TSKS: variants seen among roughly 807,000 people sequenced by gnomAD.
The protein encoded by TSKS is testis-specific serine kinase substrate.
A neutral mutation model predicts 68.0 loss-of-function variants in TSKS; 27 were observed. That is an observed-to-expected ratio of 0.40 (90% CI 0.29 to 0.55). TSKS has a LOEUF of 0.55. TSKS is among the 20% of genes least tolerant of loss of function. The pLI is 0.53. For synonymous variants in TSKS, 331 were observed against 340.4 expected (o/e 0.97, Z 0.30); for missense variants, 806 against 776.0 (o/e 1.04, Z -0.46).
At chr19:49,754,561 A>G (rs189326325) in intron 2 of TSKS, among the ~76,000 whole-genome samples, 1 of 152,212 alleles carries the variant, frequency 6.6e-6, no homozygotes, top group African/African-American at 2.4e-5. Context: ...CATGCAAAGA[A>G]AAAAAACTAT....
At chr19:49,750,951 T>G (rs896591799) in intron 2 of TSKS, among the ~76,000 whole-genome samples, 5 of 152,130 alleles carry the variant, frequency 3.3e-5, no homozygotes, top group African/African-American at 1.2e-4. Flanking sequence ...GCATGATTGC[T>G]CTGGGGAAGA....
In TSKS at chr19:49,739,998, G is replaced by T; in HGVS notation, c.1622+61C>A. 3 of 1,610,522 alleles carry T rather than the reference G, an allele frequency of 1.9e-6. No individual in the cohort carries two copies. In the South Asian group the frequency reaches 3.3e-5, roughly 18 times the overall value. On this transcript the variant is annotated intron_variant, in intron 10 of 10. Coordinates refer to ENST00000246801, the MANE Select transcript of TSKS (RefSeq NM_021733.2). ...GTGCTGGGGTGTTGGAGTGGAAGGG[G>T]AGATCAGGCCCTTTCCCCAAGATCT...
In TSKS at chr19:49,739,968, G is replaced by C. The variant is rs776476027; in HGVS notation, c.1623-36C>G. 1.9e-6 allele frequency: 3 copies of C among 1,607,986 alleles called. No homozygotes were observed. In the African/African-American group the frequency reaches 4.0e-5, roughly 21 times the overall value. The stretch of plus-strand genomic sequence containing the variant: ...GCAGCGGGGAGTTGATGGCGGCATG[G>C]CTAGGTGCTGGGGTGTTGGAGTGGA... On this transcript the variant is annotated intron_variant, in intron 10 of 10. Coordinates refer to ENST00000246801, the MANE Select transcript of TSKS (RefSeq NM_021733.2).
intron 8 of TSKS, among the ~76,000 whole-genome samples, chr19:49,743,072 A>T (rs1230078187): frequency 1.3e-5 from 2 of 151,786 alleles, no homozygotes; most frequent in Non-Finnish European, 2.9e-5. Context: ...ATGATGCTTA[A>T]AATGTACTAA....
At chr19:49,747,911 GTT>G (rs2084316051) in intron 4 of TSKS, among the ~76,000 whole-genome samples, 172 bp downstream of exon 4, 1 of 152,138 alleles carries the variant, frequency 6.6e-6, no homozygotes, top group Non-Finnish European at 1.5e-5. Flanking sequence ...GTTTCACCAT[GTT>G]GGCCAGGCTG....
intron 8 of TSKS, among the ~76,000 whole-genome samples, chr19:49,743,757 C>T (rs988921203): frequency 3.4e-4 from 51 of 151,854 alleles, no homozygotes; most frequent in African/African-American, 1.2e-3. Flanking sequence ...GCCTTGGCCT[C>T]CCAAAGTGCT....
chr19:49,758,147 G>A (rs767320698), intron 2 of TSKS, among the ~76,000 whole-genome samples: 9 of 146,090 alleles, frequency 6.2e-5, no homozygotes, highest in Non-Finnish European at 1.1e-4. Flanking sequence ...CCTCTCCCTG[G>A]TCTCCCTTCC....
chr19:49,753,250 AC>A (rs1262245157), intron 2 of TSKS, among the ~76,000 whole-genome samples: 1 of 152,024 alleles, frequency 6.6e-6, no homozygotes, highest in Non-Finnish European at 1.5e-5. Flanking sequence ...ACATAGTAAA[AC>A]CTAATCCCTT....
Position 49,753,344 on chromosome 19 carries a change from C to T in TSKS, c.400-4875G>A, listed in dbSNP as rs370531633. Among the ~76,000 whole-genome samples the T allele has an allele frequency of 6.6e-5, 10 of 152,036 alleles. 1 individual carries two copies. Among genetic ancestry groups the T allele is most frequent in the Admixed American group, 3.3e-4 (5 of 15,242 alleles). ...TTGGGAGGCCGAGGCGGGTGGATCA[C>T]GAGGTCAGGAGATCGAGACCATCCT... On this transcript the variant is annotated intron_variant, in intron 2 of 10. Transcript: ENST00000246801.
At chr19:49,745,488 C>T in intron 6 of TSKS, 92 bp from the exon 7 acceptor site, 2 of 1,116,862 alleles carry the variant, frequency 1.8e-6, no homozygotes, top group South Asian at 1.8e-5. Flanking sequence ...ACTCACCTAT[C>T]TCGCCCCACT....
intron 2 of TSKS, among the ~76,000 whole-genome samples, chr19:49,760,126 G>A (rs2084428511): frequency 6.6e-6 from 1 of 151,898 alleles, no homozygotes; most frequent in Non-Finnish European, 1.5e-5. Context: ...ACTCCAGCCT[G>A]GCTACAGAGT....
intron 8 of TSKS, 97 bp downstream of exon 8, chr19:49,744,134 G>T: frequency 7.5e-7 from 1 of 1,338,238 alleles, no homozygotes; most frequent in Non-Finnish European, 1.0e-6. Flanking sequence ...CTCCCAAAAT[G>T]AACAGCGCCC....
Position 49,739,807 on chromosome 19 carries a change from G to T in TSKS, c.1748C>A (p.Pro583Gln). The T allele has an allele frequency of 1.3e-6, 2 of 1,557,878 alleles. No individual in the cohort carries two copies. The highest frequency in any genetic ancestry group is 1.8e-6 in the Non-Finnish European group (2 of 1,130,400). ...MGGGSSAGTPPKQGGSAPEQ is the reference protein window; with the variant it reads ...MGGGSSAGTPQKQGGSAPEQ ...TTCAGGGGCTGAGCCCCCCTGTTTT[G>T]GGGGGGTTCCTGCACTGCTGCCTCC... Residue 583 changes from proline to glutamine, a missense_variant, in exon 11 of 11, where the codon CCA becomes CAA. Pro to Gln is a moderately conservative substitution (Grantham distance 76). Coordinates refer to ENST00000246801, the MANE Select transcript of TSKS (RefSeq NM_021733.2).
intron 5 of TSKS, 48 bp downstream of exon 5, chr19:49,747,341 G>A: frequency 6.2e-7 from 1 of 1,613,744 alleles, no homozygotes; most frequent in East Asian, 2.2e-5. Context: ...AGTCCCTCGT[G>A]CATCTGACCT....
At chr19:49,751,802 C>T (rs1010851127) in intron 2 of TSKS, among the ~76,000 whole-genome samples, 2 of 151,128 alleles carry the variant, frequency 1.3e-5, no homozygotes, top group African/African-American at 4.9e-5. Context: ...GTGGCTCACA[C>T]CTGTAATCCC....
intron 5 of TSKS, chr19:49,747,098 C>G (rs1212478350): frequency 1.3e-6 from 2 of 1,492,202 alleles, no homozygotes; most frequent in Non-Finnish European, 1.8e-6. Flanking sequence ...GCTTTCTCAG[C>G]ATTTTGTTGG....
At chr19:49,744,518 A>C in intron 7 of TSKS, 114 bp from the exon 8 acceptor site, 1 of 1,046,082 alleles carries the variant, frequency 9.6e-7, no homozygotes. Context: ...GCAATTCTCC[A>C]CCCTGCCCTC....
At position 49,744,410 on chromosome 19, in the gene TSKS, G is replaced by A; in HGVS notation, c.1188-6C>T. The A allele has an allele frequency of 5.0e-6, 8 of 1,611,228 alleles. No homozygotes were observed. Among genetic ancestry groups the A allele is most frequent in the Non-Finnish European group, 6.8e-6 (8 of 1,177,650 alleles). ...ACACTGCTGACCGCTCCACCCTGAG[G>A]CATGAGTAACCAGTGCTGCTGGGTC... On this transcript the variant is annotated splice_region_variant and splice_polypyrimidine_tract_variant and intron_variant, in intron 7 of 10. Coordinates refer to ENST00000246801, the MANE Select transcript of TSKS (RefSeq NM_021733.2).
chr19:49,743,996 C>T (rs1030908343), intron 8 of TSKS, among the ~76,000 whole-genome samples: 20 of 152,222 alleles, frequency 1.3e-4, no homozygotes, highest in Non-Finnish European at 1.9e-4. Flanking sequence ...CGAGAGCCAC[C>T]GCGCCCGGCC....
Sources: allele counts gnomAD v4.1 joint callset (sites outside exome capture counted in the v4.1 genomes callset), GRCh38; gene constraint gnomAD v4.1.1; transcripts MANE v1.5; gene names NCBI Gene and HGNC (gene_info 2026-07-23, HGNC 2026-07-21).